The following ADAMTS17 variants were observed in gnomAD, a reference collection of about 807,000 sequenced individuals.
ADAMTS17 encodes ADAM metallopeptidase with thrombospondin type 1 motif 17.
In ADAMTS17, 113 loss-of-function variants were observed where a neutral mutation model predicts 141.5. The ratio of observed to expected loss-of-function variants is 0.80; its 90% CI spans 0.69 to 0.93. The LOEUF (loss-of-function observed/expected upper bound fraction) is 0.93. Ranked by LOEUF, ADAMTS17 falls within the 40% of genes least tolerant of loss-of-function variation. ADAMTS17 has a pLI of 0.00. For missense variants in ADAMTS17, 1,659 were observed against 1,517.9 expected, an observed-to-expected ratio of 1.09 and a Z score of -1.54; for synonymous variants, 768 against 630.6, an observed-to-expected ratio of 1.22 and a Z score of -3.27.
intron 8 of ADAMTS17, among the ~76,000 whole-genome samples, chr15:100,181,088 C>A (rs1165451935): frequency 6.6e-6 from 1 of 152,216 alleles, no homozygotes; most frequent in Non-Finnish European, 1.5e-5. Flanking sequence ...CTTCCTGTGG[C>A]CACCGCCACC....
At chr15:100,167,055 T>G (rs4453457) in intron 8 of ADAMTS17, among the ~76,000 whole-genome samples, 4 of 152,244 alleles carry the variant, frequency 2.6e-5, no homozygotes, top group African/African-American at 9.6e-5. Context: ...CACGTGTGGC[T>G]ACTAAGAGTT....
chr15:100,067,774 G>A (rs34513094), intron 15 of ADAMTS17, among the ~76,000 whole-genome samples: 31,861 of 151,926 alleles, frequency 0.21, 3,962 homozygotes, highest in East Asian at 0.51. Flanking sequence ...GGAAAAAAAA[G>A]AGCCAAGATG....
At position 99,975,531 on chromosome 15, in the gene ADAMTS17, TCTC is replaced by T. The variant is rs143525987; in HGVS notation, c.3127+511_3127+513del. On this transcript the variant is annotated intron_variant, in intron 21 of 21. Transcript: ENST00000268070. ...CAGCCAGATCTTTAAGTGCTCTTCT[TCTC>T]CTTGTATCACCACTGACCTGGGGCA... 1.8e-3 allele frequency among the ~76,000 whole-genome samples: 270 copies of T among 151,888 alleles called. 1 individual carries two copies. Among genetic ancestry groups the T allele is most frequent in the African/African-American group, 6.0e-3 (246 of 41,284 alleles).
intron 18 of ADAMTS17, among the ~76,000 whole-genome samples, chr15:100,026,221 A>G (rs2061513015): frequency 6.6e-6 from 1 of 152,230 alleles, no homozygotes; most frequent in African/African-American, 2.4e-5. Flanking sequence ...GTTTTGTAGA[A>G]CAATAGTTTA....
At chr15:100,073,325 C>T (rs1407695290) in intron 15 of ADAMTS17, among the ~76,000 whole-genome samples, 2 of 152,196 alleles carry the variant, frequency 1.3e-5, no homozygotes, top group African/African-American at 4.8e-5. Context: ...GGACTGTAAA[C>T]TAGTTCAACC....
At chr15:99,992,705 C>T (rs2060714630) in intron 20 of ADAMTS17, among the ~76,000 whole-genome samples, 1 of 152,200 alleles carries the variant, frequency 6.6e-6, no homozygotes, top group Non-Finnish European at 1.5e-5. Flanking sequence ...GTCCCCATGG[C>T]AGGAGGCTGG....
Position 99,993,354 on chromosome 15 carries a change from G to A in ADAMTS17, c.2797-154C>T, listed in dbSNP as rs2060729816. ...CCTCAAAAAGCTCCTGGTCTGCAGG[G>A]TCTTACGCACGTGGTCCCAGCTGGG... On this transcript the variant is annotated intron_variant, in intron 19 of 21. Transcript: ENST00000268070. The surrounding 1 kb of genome is among the most constrained non-coding windows in gnomAD (Gnocchi z 4.3). 1.3e-5 allele frequency among the ~76,000 whole-genome samples: 2 copies of A among 152,212 alleles called. No individual in the cohort carries two copies. Among genetic ancestry groups the A allele is most frequent in the Non-Finnish European group, 2.9e-5 (2 of 68,046 alleles).
chr15:100,259,609 C>A (rs375092220), intron 6 of ADAMTS17, among the ~76,000 whole-genome samples: 3 of 152,352 alleles, frequency 2.0e-5, no homozygotes, highest in Admixed American at 6.5e-5. Context: ...CAGACTTTTT[C>A]TAAAATGTCT....
At chr15:100,248,207 T>C (rs1382351096) in intron 7 of ADAMTS17, among the ~76,000 whole-genome samples, 1 of 152,162 alleles carries the variant, frequency 6.6e-6, no homozygotes, top group East Asian at 1.9e-4. Flanking sequence ...AGGGAGGCCC[T>C]TCCATTAATT....
chr15:100,334,362 T>C (rs2046144254), intron 2 of ADAMTS17, among the ~76,000 whole-genome samples: 1 of 152,210 alleles, frequency 6.6e-6, no homozygotes. Flanking sequence ...CGCAATGGAA[T>C]TCCCTTTCTT....
intron 7 of ADAMTS17, among the ~76,000 whole-genome samples, chr15:100,234,546 G>C (rs1410249061): frequency 6.6e-6 from 1 of 152,180 alleles, no homozygotes; most frequent in Non-Finnish European, 1.5e-5. Context: ...TCCCACACAG[G>C]GTGCGCAAAG....
At chr15:100,340,054 A>T (rs1596558229) in intron 2 of ADAMTS17, among the ~76,000 whole-genome samples, 1 of 152,228 alleles carries the variant, frequency 6.6e-6, no homozygotes, top group East Asian at 1.9e-4. Flanking sequence ...TAATATCAGA[A>T]ACTGCCTCCC....
chr15:100,282,763 A>C (rs1338414715), intron 3 of ADAMTS17, among the ~76,000 whole-genome samples: 1 of 152,220 alleles, frequency 6.6e-6, no homozygotes, highest in Non-Finnish European at 1.5e-5. Flanking sequence ...GTGGCAAAAA[A>C]ATGGAAATAT....
At chr15:100,081,325 G>A (rs556370547) in intron 15 of ADAMTS17, among the ~76,000 whole-genome samples, 10 of 152,058 alleles carry the variant, frequency 6.6e-5, no homozygotes, top group Non-Finnish European at 1.0e-4. Flanking sequence ...TTGTGATTAC[G>A]TAAGTTAATA....
chr15:100,004,088 A>G (rs1176006605), intron 18 of ADAMTS17, among the ~76,000 whole-genome samples: 1 of 152,270 alleles, frequency 6.6e-6, no homozygotes, highest in Admixed American at 6.5e-5. Flanking sequence ...ATCAGTGAAG[A>G]AAAGTCGCAG....
chr15:100,240,437 G>A (rs1452895303), intron 7 of ADAMTS17, among the ~76,000 whole-genome samples: 4 of 152,220 alleles, frequency 2.6e-5, no homozygotes, highest in Non-Finnish European at 5.9e-5. Context: ...TGGAGAAGAA[G>A]CAGGTACAAG....
chr15:100,131,206 G>A (rs767842154), intron 12 of ADAMTS17, among the ~76,000 whole-genome samples: 9 of 148,666 alleles, frequency 6.1e-5, no homozygotes, highest in African/African-American at 1.5e-4. Context: ...ATCACACACC[G>A]GGGCCTGTCG....
chr15:100,262,016 CTG>C (rs2043537494), intron 5 of ADAMTS17, among the ~76,000 whole-genome samples: 1 of 152,184 alleles, frequency 6.6e-6, no homozygotes, highest in Non-Finnish European at 1.5e-5. Context: ...TGAACCCAAA[CTG>C]GGGTCGAAGC....
chr15:100,039,089 A>G (rs1430541943), intron 18 of ADAMTS17, among the ~76,000 whole-genome samples: 1 of 152,200 alleles, frequency 6.6e-6, no homozygotes, highest in Non-Finnish European at 1.5e-5. Flanking sequence ...TAAGGTCAGT[A>G]GTCACATTCC....
Sources: gnomAD v4.1 joint callset for allele counts (sites outside exome capture counted in the v4.1 genomes callset) on GRCh38, gnomAD v4.1.1 for gene constraint, Gnocchi (gnomAD v3.1) non-coding constraint, MANE v1.5 for transcripts, NCBI Gene and HGNC (gene_info 2026-07-23, HGNC 2026-07-21) for gene names.